Variants in WDR19 observed in about 807,000 individuals in gnomAD.
WDR19 encodes the protein WD repeat-containing protein 19.
In WDR19, 121 loss-of-function variants were observed where a neutral mutation model predicts 180.0. The ratio of observed to expected loss-of-function variants is 0.67; its 90% CI spans 0.58 to 0.78. The LOEUF (loss-of-function observed/expected upper bound fraction) is 0.78. Ranked by LOEUF, WDR19 falls within the 30% of genes least tolerant of loss-of-function variation. The probability of loss-of-function intolerance (pLI) is 0.00; values close to 1 mark genes in which losing one functional copy is unlikely to be tolerated. For synonymous variants in WDR19, 497 were observed against 540.7 expected, an observed-to-expected ratio of 0.92 and a Z score of 1.12; for missense variants, 1,450 against 1,640.7, an observed-to-expected ratio of 0.88 and a Z score of 2.01.
chr4:39,225,645 C>T (rs1027963558), intron 15 of WDR19, among the ~76,000 whole-genome samples: 1 of 152,226 alleles, frequency 6.6e-6, no homozygotes, highest in African/African-American at 2.4e-5. Flanking sequence ...GTCAAATTCA[C>T]ATAAGCTACA....
At chr4:39,281,226 T>TAGAGAGAGAGAGAGAGAGAGAG (rs1432490593) in intron 36 of WDR19, among the ~76,000 whole-genome samples, 1 of 102,108 alleles carries the variant, frequency 9.8e-6, no homozygotes, top group Admixed American at 8.5e-5. Flanking sequence ...TATATATATA[T>TAGAGAGAGAGAGAGAGAGAGAG]ATATATATAT....
intron 21 of WDR19, among the ~76,000 whole-genome samples, chr4:39,242,592 G>A (rs1461448885): frequency 6.6e-6 from 1 of 152,164 alleles, no homozygotes; most frequent in Non-Finnish European, 1.5e-5. Context: ...GGAGGCCAAG[G>A]TGGGAGGAAT....
chr4:39,211,983 G>GAGAGAT (rs1560497468), intron 9 of WDR19, among the ~76,000 whole-genome samples: 6 of 144,600 alleles, frequency 4.1e-5, no homozygotes, highest in African/African-American at 1.5e-4. Flanking sequence ...GAGAGAGAGA[G>GAGAGAT]AGATAGATAG....
intron 21 of WDR19, among the ~76,000 whole-genome samples, chr4:39,243,145 C>G (rs770787793): frequency 6.0e-4 from 79 of 131,410 alleles, no homozygotes; most frequent in Non-Finnish European, 1.1e-3. Flanking sequence ...AATGAATATT[C>G]TACCTAGTAC....
intron 27 of WDR19, among the ~76,000 whole-genome samples, chr4:39,256,521 G>A (rs1029295783): frequency 5.3e-5 from 8 of 152,156 alleles, no homozygotes; most frequent in East Asian, 1.9e-4. Context: ...CAGATCATAC[G>A]ATTTTTTCAA....
At chr4:39,240,798 A>T (rs568320336) in intron 21 of WDR19, among the ~76,000 whole-genome samples, 1 of 151,882 alleles carries the variant, frequency 6.6e-6, no homozygotes, top group South Asian at 2.1e-4. Flanking sequence ...AAAAAAAAAA[A>T]TACAAAAATT....
At chr4:39,267,377 C>G (rs1368054047) in intron 29 of WDR19, among the ~76,000 whole-genome samples, 1 of 152,190 alleles carries the variant, frequency 6.6e-6, no homozygotes, top group Non-Finnish European at 1.5e-5. Context: ...AGACCCAGAG[C>G]AGCTCAGTTA....
At chr4:39,210,517 TA>T (rs1299382931) in intron 9 of WDR19, among the ~76,000 whole-genome samples, 1 of 151,792 alleles carries the variant, frequency 6.6e-6, no homozygotes, top group Admixed American at 6.6e-5. Context: ...ACCCCATCTC[TA>T]AAACAAAATA....
chr4:39,185,903 T>TG, intron 2 of WDR19, 86 bp downstream of exon 2: 2 of 1,053,930 alleles, frequency 1.9e-6, no homozygotes, highest in African/African-American at 6.7e-5. Context: ...TTTGTTGTTG[T>TG]TTTTTTTTTT....
chr4:39,237,656 C>T (rs1011554369), intron 20 of WDR19: 1 of 152,146 alleles, frequency 6.6e-6, no homozygotes, highest in African/African-American at 2.4e-5. Context: ...GATTTTATTT[C>T]TTCTTAACCA....
Position 39,266,287 on chromosome 4 carries a change from A to G in WDR19, c.3261+147A>G, listed in dbSNP as rs1420466955. 5 of 564,460 alleles carry G rather than the reference A, an allele frequency of 8.9e-6. No homozygotes were observed. The East Asian group carries it at 1.6e-4, about 18-fold the overall frequency. The allele number at this position is 564,460 out of a possible 1,614,324, so 35.0% of individuals were successfully genotyped here. A position where few individuals can be genotyped will look rare whatever the true frequency, so the allele number is the denominator to read the frequency against. On this transcript the variant is annotated intron_variant, in intron 29 of 36. Transcript: ENST00000399820. The stretch of plus-strand genomic sequence containing the variant: ...AGATCATCTAGACCAGGAGCGTCCA[A>G]TCTTTTTGCTTCCCTGGGTCACATT...
intron 28 of WDR19, among the ~76,000 whole-genome samples, chr4:39,258,112 G>A (rs1277956803): frequency 3.3e-5 from 5 of 152,140 alleles, no homozygotes; most frequent in East Asian, 3.9e-4. Context: ...TCAGCATTAT[G>A]TATGCAAATG....
chr4:39,222,775 A>G (rs1409587072), intron 14 of WDR19, among the ~76,000 whole-genome samples: 1 of 152,168 alleles, frequency 6.6e-6, no homozygotes, highest in Non-Finnish European at 1.5e-5. Flanking sequence ...ACGCAGAGAG[A>G]AGTCCTAGGT....
At chr4:39,205,953 T>C (rs1727907958) in intron 9 of WDR19, 1 of 476,580 alleles carries the variant, frequency 2.1e-6, no homozygotes, top group Admixed American at 3.6e-5. Flanking sequence ...CTGGGTAACA[T>C]GGAGTAAGCA....
chr4:39,265,770 CAAAA>C (rs11326526), intron 28 of WDR19, among the ~76,000 whole-genome samples: 2 of 81,074 alleles, frequency 2.5e-5, no homozygotes, highest in African/African-American at 5.4e-5. Context: ...GACTCTGTCT[CAAAA>C]AAAAAAAAAA....
At position 39,214,592 on chromosome 4, in the gene WDR19, G is replaced by T; in HGVS notation, c.891-9G>T. 6.7e-7 allele frequency: 1 copy of T among 1,488,440 alleles called. No homozygotes were observed. The highest frequency in any genetic ancestry group is 2.0e-5 in the Admixed American group (1 of 51,214). 92.2% of individuals were successfully genotyped at this position (1,488,440 alleles called of 1,614,324 possible). On this transcript the variant is annotated splice_polypyrimidine_tract_variant and intron_variant, in intron 9 of 36. Coordinates refer to ENST00000399820, the MANE Select transcript of WDR19 (RefSeq NM_025132.4). ...ATATATTTTTTAATAATGCATTTTT[G>T]TTTTTCAGCATTAAAATCCAAGACT...
chr4:39,234,958 C>A, intron 20 of WDR19, 83 bp downstream of exon 20: 3 of 738,028 alleles, frequency 4.1e-6, no homozygotes, highest in Non-Finnish European at 6.8e-6. Context: ...AATGATAAGG[C>A]CCTCCATTGA....
chr4:39,231,520 TAAAA>T (rs980372976), intron 17 of WDR19, among the ~76,000 whole-genome samples: 3 of 152,090 alleles, frequency 2.0e-5, no homozygotes, highest in South Asian at 2.1e-4. Flanking sequence ...ATGTGTGAAA[TAAAA>T]AGAAATAAAT....
At chr4:39,228,997 C>T (rs1473685374) in intron 17 of WDR19, among the ~76,000 whole-genome samples, 1 of 152,152 alleles carries the variant, frequency 6.6e-6, no homozygotes, top group African/African-American at 2.4e-5. Context: ...ATTATTCCAC[C>T]TGTATGTCCA....
Sources: allele counts gnomAD v4.1 joint callset (sites outside exome capture counted in the v4.1 genomes callset), GRCh38; gene constraint gnomAD v4.1.1; transcripts MANE v1.5; gene names NCBI Gene and HGNC (gene_info 2026-07-23, HGNC 2026-07-21).